Variants in OXR1 observed in about 807,000 individuals in gnomAD.
The protein encoded by OXR1 is oxidation resistance protein 1.
OXR1 carries 41 observed loss-of-function variants against 104.6 expected under a neutral mutation model. The observed-to-expected ratio is 0.39, with a 90% CI of 0.31 to 0.51. The LOEUF is 0.51. Among genes scored for constraint, OXR1 ranks in the 20% least tolerant of loss-of-function variants. The pLI, the probability that OXR1 is intolerant of heterozygous loss-of-function variation, is 0.77. For synonymous variants in OXR1, 348 were observed against 348.4 expected (o/e 1.00, Z 0.01); for missense variants, 955 against 1,031.9 (o/e 0.93, Z 1.02).
chr8:106,744,035 T>A (rs749974155), intron 15 of OXR1, among the ~76,000 whole-genome samples: 2 of 152,156 alleles, frequency 1.3e-5, no homozygotes, highest in Non-Finnish European at 2.9e-5. Flanking sequence ...AGACCTTGTG[T>A]CTGTCGCAGG....
intron 3 of OXR1, among the ~76,000 whole-genome samples, chr8:106,523,273 A>G (rs1400382943): frequency 6.6e-6 from 1 of 152,076 alleles, no homozygotes; most frequent in Non-Finnish European, 1.5e-5. Flanking sequence ...CACCCAGGTA[A>G]TTTTTCTGTC....
chr8:106,332,014 G>GTGTA (rs1204529869), intron 1 of OXR1, among the ~76,000 whole-genome samples: 1 of 151,182 alleles, frequency 6.6e-6, no homozygotes, highest in Non-Finnish European at 1.5e-5. Context: ...GTGTGTGTGT[G>GTGTA]TGTGTGTGTG....
At position 106,726,378 on chromosome 8, in the gene OXR1, A is replaced by G. The variant is rs138323352; in HGVS notation, c.1957-11142A>G. ...TTTCATGGTGACATTATGAAAAATT[A>G]TACAATTTCTGAAAGTTTAAGCATA... On this transcript the variant is annotated intron_variant, in intron 11 of 16. Coordinates refer to ENST00000517566, the MANE Select transcript of OXR1 (RefSeq NM_001198533.2). 2.2e-4 allele frequency: 186 copies of G among 845,084 alleles called. No homozygotes were observed. In the East Asian group the frequency reaches 5.6e-3, roughly 25 times the overall value. The allele number at this position is 845,084 out of a possible 1,614,324, so 52.3% of individuals were successfully genotyped here.
intron 1 of OXR1, among the ~76,000 whole-genome samples, chr8:106,345,305 T>A (rs1253701539): frequency 2.0e-5 from 3 of 152,178 alleles, no homozygotes; most frequent in Non-Finnish European, 4.4e-5. Context: ...TTGGCAGGAA[T>A]TAAAGCTGGT....
intron 3 of OXR1, among the ~76,000 whole-genome samples, chr8:106,602,424 T>C (rs889931068): frequency 5.9e-5 from 9 of 151,978 alleles, no homozygotes; most frequent in African/African-American, 2.2e-4. Flanking sequence ...GTTTTGGAAG[T>C]GAAACAGGGC....
intron 2 of OXR1, among the ~76,000 whole-genome samples, chr8:106,408,427 C>T (rs574537554): frequency 5.3e-5 from 8 of 152,214 alleles, no homozygotes; most frequent in African/African-American, 7.2e-5. Flanking sequence ...CTCCTCCTCC[C>T]CCTGCTTAAG....
intron 1 of OXR1, among the ~76,000 whole-genome samples, chr8:106,352,777 GTAGA>G (rs893177163): frequency 5.3e-5 from 8 of 152,294 alleles, no homozygotes; most frequent in South Asian, 4.1e-4. Flanking sequence ...TCAAAGCCAA[GTAGA>G]TAGATAGATA....
Position 106,671,963 on chromosome 8 carries a change from TATAATAATAATA to T in OXR1, c.221-7215_221-7204del, listed in dbSNP as rs200351866. Among the ~76,000 whole-genome samples the T allele has an allele frequency of 2.4e-3, 333 of 136,426 alleles. 2 individuals are homozygous for T. The highest frequency in any genetic ancestry group is 7.9e-3 in the African/African-American group (291 of 36,780). The allele number at this position is 136,426 out of a possible 152,430, so 89.5% of individuals were successfully genotyped here. Reference sequence around the variant, plus strand: ...TGCACATGTACCCTAGAACTTAAAGTATAATAATAATAATAATAATAATAATAATAATAATAA... The same window carrying T: ...TGCACATGTACCCTAGAACTTAAAGTATAATAATAATAATAATAATAATAA... On this transcript the variant is annotated intron_variant, in intron 3 of 16. Coordinates refer to ENST00000517566, the MANE Select transcript of OXR1 (RefSeq NM_001198533.2).
intron 3 of OXR1, among the ~76,000 whole-genome samples, chr8:106,631,881 A>C (rs575014722): frequency 1.4e-4 from 22 of 152,296 alleles, no homozygotes; most frequent in African/African-American, 5.3e-4. Context: ...GAAAATTGCT[A>C]TGTCTGCTAT....
intron 1 of OXR1, among the ~76,000 whole-genome samples, chr8:106,294,577 C>T (rs972347077): frequency 2.6e-5 from 4 of 151,800 alleles, no homozygotes; most frequent in Non-Finnish European, 4.4e-5. Context: ...GGAGTAAGCA[C>T]ATCACATGGC....
At chr8:106,515,858 G>A (rs760462473) in intron 2 of OXR1, among the ~76,000 whole-genome samples, 4 of 152,008 alleles carry the variant, frequency 2.6e-5, no homozygotes, top group Admixed American at 6.6e-5. Context: ...GTGATTTTTG[G>A]TTACTACTCC....
chr8:106,402,356 G>A (rs181554370), intron 2 of OXR1, among the ~76,000 whole-genome samples: 250 of 152,290 alleles, frequency 1.6e-3, no homozygotes, highest in African/African-American at 5.7e-3. Context: ...AGTTCTAGTG[G>A]CTTCCACTTG....
At chr8:106,317,141 A>G (rs997231399) in intron 1 of OXR1, among the ~76,000 whole-genome samples, 13 of 152,228 alleles carry the variant, frequency 8.5e-5, no homozygotes, top group Admixed American at 3.9e-4. Context: ...GACAGGGAAT[A>G]AAAGAGGAAG....
At chr8:106,613,843 A>G (rs544445721) in intron 3 of OXR1, among the ~76,000 whole-genome samples, 1 of 152,224 alleles carries the variant, frequency 6.6e-6, no homozygotes, top group Non-Finnish European at 1.5e-5. Context: ...CAGAAAAACT[A>G]GATGTTTTCT....
At chr8:106,605,546 G>C (rs1296774218) in intron 3 of OXR1, among the ~76,000 whole-genome samples, 1 of 151,340 alleles carries the variant, frequency 6.6e-6, no homozygotes, top group Non-Finnish European at 1.5e-5. Context: ...TGTAATTCCA[G>C]CACTTTTGGA....
chr8:106,386,412 A>G (rs1167203891), intron 2 of OXR1, among the ~76,000 whole-genome samples: 1 of 152,176 alleles, frequency 6.6e-6, no homozygotes, highest in Non-Finnish European at 1.5e-5. Context: ...TTTCTATAGA[A>G]ATTATCTCCT....
intron 2 of OXR1, among the ~76,000 whole-genome samples, chr8:106,367,480 T>C (rs974073443): frequency 1.9e-4 from 29 of 152,178 alleles, no homozygotes; most frequent in Non-Finnish European, 3.8e-4. Context: ...ATTAGTATAA[T>C]TTATTTCTAA....
chr8:106,657,075 C>T (rs1436199766), intron 3 of OXR1, among the ~76,000 whole-genome samples: 2 of 152,124 alleles, frequency 1.3e-5, no homozygotes, highest in Admixed American at 1.3e-4. Context: ...AGAATAACCA[C>T]ATCTCACAGG....
intron 1 of OXR1, among the ~76,000 whole-genome samples, chr8:106,347,138 T>C (rs1586552105): frequency 1.3e-5 from 2 of 152,376 alleles, no homozygotes; most frequent in South Asian, 4.1e-4. Context: ...TTTTAGAGAA[T>C]AGGCAATTCT....
Sources: gnomAD v4.1 joint callset for allele counts (sites outside exome capture counted in the v4.1 genomes callset) on GRCh38, gnomAD v4.1.1 for gene constraint, MANE v1.5 for transcripts, NCBI Gene and HGNC (gene_info 2026-07-23, HGNC 2026-07-21) for gene names.